Variants in RGS7 observed in about 807,000 individuals in gnomAD.
The protein encoded by RGS7 is regulator of G-protein signaling 7.
RGS7 carries 27 observed loss-of-function variants against 81.1 expected under a neutral mutation model. The observed-to-expected ratio is 0.33, with a 90% CI of 0.25 to 0.46. The LOEUF is 0.46. Ranked by LOEUF, RGS7 falls within the 20% of genes least tolerant of loss-of-function variation. The pLI is 1.00. For missense variants in RGS7, 396 were observed against 607.4 expected (o/e 0.65, Z 3.66); for synonymous variants, 208 against 207.7 (o/e 1.00, Z -0.01).
At chr1:241,068,803 T>C (rs1022595488) in intron 3 of RGS7, among the ~76,000 whole-genome samples, 5 of 152,194 alleles carry the variant, frequency 3.3e-5, no homozygotes, top group African/African-American at 1.2e-4. Context: ...CATGATGAAA[T>C]GTGCTCTCCA....
intron 2 of RGS7, among the ~76,000 whole-genome samples, chr1:241,178,068 C>T (rs1356538236): frequency 1.3e-5 from 2 of 152,132 alleles, no homozygotes; most frequent in Admixed American, 1.3e-4. Context: ...AGGAGGTTTG[C>T]TCGAGGCCAG....
chr1:241,013,327 TGCTGGGATTACAG>T (rs1343051081), intron 3 of RGS7, among the ~76,000 whole-genome samples: 1 of 152,142 alleles, frequency 6.6e-6, no homozygotes, highest in Non-Finnish European at 1.5e-5. Context: ...CCTCCCAAAG[TGCTGGGATTACAG>T]GCATGAGCCA....
At chr1:240,827,196 C>T (rs376767387) in intron 9 of RGS7, 24 bp from the exon 10 acceptor site, 3 of 1,577,920 alleles carry the variant, frequency 1.9e-6, no homozygotes, top group Non-Finnish European at 2.6e-6. Flanking sequence ...AACAGAGAGA[C>T]AAATGAATCT....
intron 4 of RGS7, among the ~76,000 whole-genome samples, chr1:240,972,344 C>T (rs371027396): frequency 6.0e-5 from 9 of 150,890 alleles, no homozygotes; most frequent in East Asian, 3.9e-4. Context: ...GGCACATATA[C>T]ACCATGGAAT....
At chr1:241,236,380 C>CA (rs1394862570) in intron 2 of RGS7, among the ~76,000 whole-genome samples, 1 of 152,140 alleles carries the variant, frequency 6.6e-6, no homozygotes, top group East Asian at 1.9e-4. Flanking sequence ...AGCCATAAAG[C>CA]AAATTGACAG....
intron 3 of RGS7, among the ~76,000 whole-genome samples, chr1:241,044,596 A>T (rs1222999665): frequency 2.0e-5 from 3 of 150,834 alleles, no homozygotes; most frequent in African/African-American, 7.4e-5. Flanking sequence ...TAATTTTAAA[A>T]TTTATTTATT....
At chr1:240,798,761 G>A (rs1687502045) in intron 18 of RGS7, among the ~76,000 whole-genome samples, 1 of 152,152 alleles carries the variant, frequency 6.6e-6, no homozygotes, top group African/African-American at 2.4e-5. Flanking sequence ...GTACATGGCA[G>A]ATATTCAATG....
intron 6 of RGS7, among the ~76,000 whole-genome samples, chr1:240,927,327 T>A (rs534811898): frequency 6.6e-6 from 1 of 152,124 alleles, no homozygotes; most frequent in African/African-American, 2.4e-5. Flanking sequence ...AGCCTACCAA[T>A]GTGTTGGGAT....
At chr1:240,825,541 A>G (rs1572274713) in intron 10 of RGS7, among the ~76,000 whole-genome samples, 1 of 152,152 alleles carries the variant, frequency 6.6e-6, no homozygotes, top group East Asian at 1.9e-4. Context: ...CTTCTGGCAA[A>G]TGTTAGCGCT....
intron 9 of RGS7, among the ~76,000 whole-genome samples, chr1:240,839,504 T>G (rs2147870844): frequency 1.3e-5 from 2 of 152,308 alleles, no homozygotes; most frequent in South Asian, 2.1e-4. Context: ...TTAGGAAAAC[T>G]TATCAGTACA....
At chr1:240,930,573 C>T in intron 6 of RGS7, 144 bp downstream of exon 6, 5 of 818,614 alleles carry the variant, frequency 6.1e-6, no homozygotes, top group Non-Finnish European at 1.0e-5. Context: ...AACAAAGCCG[C>T]TTATCAATTC....
At chr1:241,228,221 C>T (rs190151290) in intron 2 of RGS7, among the ~76,000 whole-genome samples, 2 of 152,288 alleles carry the variant, frequency 1.3e-5, no homozygotes, top group East Asian at 1.9e-4. Context: ...CTGTCCACCC[C>T]GGCCACAATG....
intron 3 of RGS7, among the ~76,000 whole-genome samples, chr1:240,984,038 A>G (rs1245398529): frequency 6.6e-6 from 1 of 152,214 alleles, no homozygotes; most frequent in Admixed American, 6.5e-5. Context: ...AAAAACTAAA[A>G]GGTGGAAAAG....
intron 14 of RGS7, among the ~76,000 whole-genome samples, chr1:240,809,757 G>A (rs969615191): frequency 2.0e-5 from 3 of 152,040 alleles, no homozygotes; most frequent in South Asian, 2.1e-4. Context: ...GTGTCTTGTA[G>A]GTATTCAAGA....
intron 3 of RGS7, among the ~76,000 whole-genome samples, chr1:241,024,415 G>A (rs746416507): frequency 4.6e-5 from 7 of 152,196 alleles, no homozygotes; most frequent in Non-Finnish European, 1.0e-4. Flanking sequence ...CAGCTGAATG[G>A]AAGTACAAGT....
chr1:240,864,466 G>A (rs1214564980), intron 9 of RGS7, among the ~76,000 whole-genome samples: 1 of 152,152 alleles, frequency 6.6e-6, no homozygotes, highest in African/African-American at 2.4e-5. Flanking sequence ...TTTCATAGGT[G>A]GGTAAAGGAA....
At chr1:241,071,497 GTTT>G (rs5782174) in intron 3 of RGS7, among the ~76,000 whole-genome samples, 4,394 of 142,768 alleles carry the variant, frequency 0.031, 79 homozygotes, top group Non-Finnish European at 0.037. Context: ...ATGTTTAAGT[GTTT>G]TTTTTTTTTT....
intron 3 of RGS7, among the ~76,000 whole-genome samples, chr1:241,061,694 T>G (rs894255071): frequency 6.6e-6 from 1 of 152,126 alleles, no homozygotes; most frequent in Non-Finnish European, 1.5e-5. Context: ...ATGCCTGAGC[T>G]AAGTCTAAAG....
intron 9 of RGS7, among the ~76,000 whole-genome samples, chr1:240,858,202 C>T (rs923245241): frequency 3.9e-5 from 6 of 152,126 alleles, no homozygotes; most frequent in Non-Finnish European, 2.9e-5. Context: ...TTGCCATAAA[C>T]ATTTGTAGGT....
Sources: allele counts gnomAD v4.1 joint callset (sites outside exome capture counted in the v4.1 genomes callset), GRCh38; gene constraint gnomAD v4.1.1; transcripts MANE v1.5; gene names NCBI Gene and HGNC (gene_info 2026-07-23, HGNC 2026-07-21).